HS6ST1: variants seen among roughly 807,000 people sequenced by gnomAD.
HS6ST1 encodes heparan-sulfate 6-O-sulfotransferase 1.
HS6ST1 carries 3 observed loss-of-function variants against 25.2 expected under a neutral mutation model. The ratio of observed to expected loss-of-function variants is 0.12; its 90% CI spans 0.05 to 0.31. The LOEUF (loss-of-function observed/expected upper bound fraction) is 0.31, where lower values mean the gene tolerates loss of function less well. HS6ST1 is among the 10% of genes least tolerant of loss of function. The pLI is 1.00. For missense variants in HS6ST1, 310 were observed against 609.6 expected (o/e 0.51, Z 5.18); for synonymous variants, 204 against 275.1 (o/e 0.74, Z 2.56).
chr2:128,306,549 T>G (rs1391338799), intron 1 of HS6ST1, among the ~76,000 whole-genome samples: 1 of 152,220 alleles, frequency 6.6e-6, no homozygotes, highest in Non-Finnish European at 1.5e-5. Context: ...ATGCTCCCCC[T>G]GCCGCCTAGG....
At chr2:128,310,943 CG>C (rs1363116708) in intron 1 of HS6ST1, among the ~76,000 whole-genome samples, 1 of 152,100 alleles carries the variant, frequency 6.6e-6, no homozygotes, top group Non-Finnish European at 1.5e-5. Context: ...CTGTGAGTGG[CG>C]GGGTCTCGCA....
intron 1 of HS6ST1, among the ~76,000 whole-genome samples, chr2:128,303,583 C>T (rs1325261746): frequency 3.3e-5 from 5 of 152,228 alleles, no homozygotes; most frequent in Non-Finnish European, 7.3e-5. Flanking sequence ...GGTGGGGGGA[C>T]ACTGGCTGGC....
chr2:128,305,268 A>T (rs13014434), intron 1 of HS6ST1, among the ~76,000 whole-genome samples: 5 of 152,206 alleles, frequency 3.3e-5, no homozygotes, highest in Non-Finnish European at 7.3e-5. Context: ...TTGCCAGCCC[A>T]GCTTCCAGGA....
At chr2:128,292,608 G>A (rs566968554) in intron 1 of HS6ST1, among the ~76,000 whole-genome samples, 1 of 152,264 alleles carries the variant, frequency 6.6e-6, no homozygotes, top group Admixed American at 6.5e-5. Flanking sequence ...GCTGTGGCAT[G>A]TGGGCATGTG....
intron 1 of HS6ST1, among the ~76,000 whole-genome samples, chr2:128,307,981 A>T (rs563620058): frequency 6.6e-6 from 1 of 152,354 alleles, no homozygotes; most frequent in South Asian, 2.1e-4. Flanking sequence ...TTAAACACGC[A>T]TGTCAGGGAC....
At chr2:128,277,555 G>T (rs1263084447) in intron 1 of HS6ST1, among the ~76,000 whole-genome samples, 2 of 152,210 alleles carry the variant, frequency 1.3e-5, no homozygotes, top group Non-Finnish European at 2.9e-5. Context: ...TGTGCAGCCG[G>T]CCTACGTCCC....
chr2:128,287,361 G>A (rs911056551), intron 1 of HS6ST1, among the ~76,000 whole-genome samples: 1 of 152,130 alleles, frequency 6.6e-6, no homozygotes, highest in Admixed American at 6.5e-5. Flanking sequence ...AGGGACAGCT[G>A]CCCCCCCTAC....
intron 1 of HS6ST1, chr2:128,289,659 T>C (rs1193779990): frequency 6.6e-6 from 1 of 152,222 alleles, no homozygotes; most frequent in Non-Finnish European, 1.5e-5. Context: ...CCCCAAGGAA[T>C]GCATCTGTCA....
intron 1 of HS6ST1, among the ~76,000 whole-genome samples, chr2:128,294,372 G>A (rs968935426): frequency 6.6e-6 from 1 of 152,190 alleles, no homozygotes; most frequent in African/African-American, 2.4e-5. Flanking sequence ...GGAGGGGAGG[G>A]CTCTCCTTGC....
intron 1 of HS6ST1, among the ~76,000 whole-genome samples, chr2:128,277,597 CCT>C (rs1464013595): frequency 3.9e-5 from 6 of 152,214 alleles, no homozygotes; most frequent in African/African-American, 1.2e-4. Flanking sequence ...GGGGTCAGCC[CCT>C]GAGACCCTCT....
chr2:128,281,448 A>G lies in HS6ST1; in HGVS notation c.528-12578T>C, dbSNP rs561398225. 1.9e-3 allele frequency among the ~76,000 whole-genome samples: 288 copies of G among 152,294 alleles called. 1 individual carries two copies. The highest frequency in any genetic ancestry group is 3.2e-3 in the Admixed American group (49 of 15,302). On this transcript the variant is annotated intron_variant, in intron 1 of 1. Transcript: ENST00000259241. Reference sequence around the variant, plus strand: ...ATGTGCAGCCAGGTGTGGCTGTGTGACTGTCCGGCCATCAGGATGTCCTTA... The same window carrying G: ...ATGTGCAGCCAGGTGTGGCTGTGTGGCTGTCCGGCCATCAGGATGTCCTTA...
intron 1 of HS6ST1, among the ~76,000 whole-genome samples, chr2:128,298,012 C>T (rs72969057): frequency 3.7e-4 from 56 of 151,402 alleles, no homozygotes; most frequent in African/African-American, 1.1e-3. Context: ...AAAAAATGTG[C>T]GACATTTGAG....
At chr2:128,278,286 G>C (rs1278318572) in intron 1 of HS6ST1, among the ~76,000 whole-genome samples, 1 of 152,220 alleles carries the variant, frequency 6.6e-6, no homozygotes, top group Admixed American at 6.5e-5. Flanking sequence ...GTGCTGATCT[G>C]ACCCAAACTC....
At chr2:128,314,199 C>T (rs557352459) in intron 1 of HS6ST1, among the ~76,000 whole-genome samples, 56 of 152,186 alleles carry the variant, frequency 3.7e-4, no homozygotes, top group African/African-American at 1.3e-3. Context: ...GAAACTGTCG[C>T]ATGCCACAGA....
intron 1 of HS6ST1, chr2:128,289,886 C>T (rs1693927247): frequency 6.6e-6 from 1 of 152,036 alleles, no homozygotes; most frequent in Non-Finnish European, 1.5e-5. Context: ...TATAAAATGT[C>T]CAAATATAAG....
chr2:128,317,564 C>T (rs1694391780), intron 1 of HS6ST1, among the ~76,000 whole-genome samples: 2 of 152,218 alleles, frequency 1.3e-5, no homozygotes, highest in South Asian at 4.1e-4. Context: ...TGAAGGCAGG[C>T]ACTCCAGGCA....
intron 1 of HS6ST1, among the ~76,000 whole-genome samples, chr2:128,280,695 AT>A (rs148336199): frequency 6.6e-4 from 97 of 147,928 alleles, no homozygotes; most frequent in African/African-American, 1.0e-3. Context: ...GAGTAGTCAG[AT>A]TTTTTTTTTT....
intron 1 of HS6ST1, among the ~76,000 whole-genome samples, chr2:128,316,708 G>GGT (rs143387468): frequency 0.031 from 4,706 of 151,040 alleles, 250 homozygotes; most frequent in African/African-American, 0.11. Context: ...TGTGTGTGTG[G>GGT]GTGTGTGTGT....
In HS6ST1 at chr2:128,267,272, G is replaced by C. The variant is rs2104907400; in HGVS notation, c.*890C>G. The C allele has an allele frequency of 6.6e-6, 1 of 152,244 alleles. No homozygotes were observed. The highest frequency in any genetic ancestry group is 2.1e-4 in the South Asian group (1 of 4,828). 9.4% of individuals were successfully genotyped at this position (152,244 alleles called of 1,614,324 possible). ...GGTCAGAAAGGAGAACAGAGGCAGG[G>C]GAGCCCTCGGTCCCCAGCCCTTCCA... On this transcript the variant is annotated 3_prime_UTR_variant, in exon 2 of 2. Coordinates refer to ENST00000259241, the MANE Select transcript of HS6ST1 (RefSeq NM_004807.3).
Sources: gnomAD v4.1 joint callset for allele counts (sites outside exome capture counted in the v4.1 genomes callset) on GRCh38, gnomAD v4.1.1 for gene constraint, MANE v1.5 for transcripts, NCBI Gene and HGNC (gene_info 2026-07-23, HGNC 2026-07-21) for gene names.